Variants in MSI2 observed in about 807,000 individuals in gnomAD.
MSI2 encodes RNA-binding protein Musashi homolog 2.
Under a neutral mutation model 45.6 loss-of-function variants are expected in MSI2, and 17 were observed. That is an observed-to-expected ratio of 0.37 (90% CI 0.26 to 0.56). The LOEUF is 0.56. MSI2 is among the 20% of genes least tolerant of loss of function. The pLI is 0.77. For missense variants in MSI2, 293 were observed against 444.2 expected (o/e 0.66, Z 3.06); for synonymous variants, 156 against 158.2 (o/e 0.99, Z 0.11).
chr17:57,327,058 G>A (rs1412174715), intron 5 of MSI2, among the ~76,000 whole-genome samples: 1 of 152,300 alleles, frequency 6.6e-6, no homozygotes, highest in East Asian at 1.9e-4. Context: ...TACAGAAACA[G>A]ACCATCCACT....
chr17:57,640,088 G>A (rs1283642308), intron 10 of MSI2, among the ~76,000 whole-genome samples: 1 of 152,130 alleles, frequency 6.6e-6, no homozygotes, highest in Non-Finnish European at 1.5e-5. Context: ...CCTAGAGGAG[G>A]TGGGGGGAGC....
chr17:57,627,338 CA>C lies in MSI2; in HGVS notation c.727+37del. 6.3e-7 allele frequency: 1 copy of C among 1,595,626 alleles called. No individual in the cohort carries two copies. Among genetic ancestry groups the C allele is most frequent in the Non-Finnish European group, 8.6e-7 (1 of 1,163,146 alleles). On this transcript the variant is annotated intron_variant, in intron 10 of 13. Coordinates refer to ENST00000284073, the MANE Select transcript of MSI2 (RefSeq NM_138962.4). This position sits in a 1 kb window ranked among gnomAD's most constrained non-coding sequence, Gnocchi z 4.6. The stretch of plus-strand genomic sequence containing the variant: ...TTGGTCTCCCAGGGCTTTGGAAGCA[CA>C]AGAGGTGGGCTGCATTTGCGGGGAG...
At chr17:57,324,307 A>G (rs1242261479) in intron 5 of MSI2, among the ~76,000 whole-genome samples, 2 of 152,108 alleles carry the variant, frequency 1.3e-5, no homozygotes, top group African/African-American at 4.8e-5. Flanking sequence ...GCCTGACCCA[A>G]GGAGGGGTAC....
intron 5 of MSI2, among the ~76,000 whole-genome samples, chr17:57,297,755 G>T (rs951297121): frequency 6.6e-6 from 1 of 152,126 alleles, no homozygotes; most frequent in Non-Finnish European, 1.5e-5. Context: ...CTACTTTTAG[G>T]TAATATTATT....
At chr17:57,336,395 C>A (rs1034769742) in intron 5 of MSI2, among the ~76,000 whole-genome samples, 1 of 152,196 alleles carries the variant, frequency 6.6e-6, no homozygotes, top group Non-Finnish European at 1.5e-5. Context: ...TCTTCTCTTA[C>A]TCGTTTTCTT....
At chr17:57,367,354 G>C (rs1917269544) in intron 5 of MSI2, among the ~76,000 whole-genome samples, 1 of 152,170 alleles carries the variant, frequency 6.6e-6, no homozygotes, top group Non-Finnish European at 1.5e-5. Context: ...CAGTAGATGG[G>C]GGAGGTCTGG....
At chr17:57,474,164 G>A (rs2085493675) in intron 6 of MSI2, among the ~76,000 whole-genome samples, 1 of 152,052 alleles carries the variant, frequency 6.6e-6, no homozygotes, top group African/African-American at 2.4e-5. Context: ...CTTAAAAATG[G>A]GCCACCGGTA....
At chr17:57,583,621 C>T (rs1050896907) in intron 7 of MSI2, among the ~76,000 whole-genome samples, 1 of 151,782 alleles carries the variant, frequency 6.6e-6, no homozygotes, top group Non-Finnish European at 1.5e-5. Context: ...GCACGTGCCA[C>T]GACGTCAGGC....
intron 5 of MSI2, among the ~76,000 whole-genome samples, chr17:57,369,470 A>G (rs1459350086): frequency 6.6e-6 from 1 of 152,224 alleles, no homozygotes; most frequent in African/African-American, 2.4e-5. Context: ...CTTAATAGGC[A>G]TGCTTAAATC....
chr17:57,508,933 C>T (rs2086293517), intron 6 of MSI2, among the ~76,000 whole-genome samples: 1 of 152,182 alleles, frequency 6.6e-6, no homozygotes, highest in Non-Finnish European at 1.5e-5. Flanking sequence ...TCCTCAAGTC[C>T]TAAAGTACAG....
At chr17:57,277,166 T>C (rs1207972507) in intron 5 of MSI2, among the ~76,000 whole-genome samples, 1 of 151,480 alleles carries the variant, frequency 6.6e-6, no homozygotes, top group Admixed American at 6.6e-5. Flanking sequence ...AGTGATTCTC[T>C]TGCCTCAGTC....
chr17:57,562,984 G>C lies in MSI2; in HGVS notation c.454+33260G>C, dbSNP rs149583700. Among the ~76,000 whole-genome samples, 33 of 150,838 alleles carry C rather than the reference G, an allele frequency of 2.2e-4. No individual in the cohort carries two copies. In the East Asian group the frequency reaches 5.5e-3, roughly 25 times the overall value. On this transcript the variant is annotated intron_variant, in intron 7 of 13. Transcript: ENST00000284073. ...GTGGTGGCGCATGCCTGTAATCCCAGCTACTCAGGAGGCTGAGACAGGAGA... is the reference window on the plus strand; with the variant it reads ...GTGGTGGCGCATGCCTGTAATCCCACCTACTCAGGAGGCTGAGACAGGAGA...
At chr17:57,698,911 GT>G in the MSI2 span, among the ~76,000 whole-genome samples, 3 of 148,174 alleles carry the variant, frequency 2.0e-5, no homozygotes. Flanking sequence ...GTGTGTGTGT[GT>G]GTGTGTGTGT....
At chr17:57,603,284 T>TA (rs1906125168) in intron 8 of MSI2, among the ~76,000 whole-genome samples, 1 of 152,086 alleles carries the variant, frequency 6.6e-6, no homozygotes, top group African/African-American at 2.4e-5. Context: ...TCTCTTGGGG[T>TA]AAAGGGCTCG....
rs544213535 is a variant in MSI2, at chr17:57,680,411, G to A, written c.*894G>A. On this transcript the variant is annotated 3_prime_UTR_variant, in exon 14 of 14. Transcript: ENST00000284073. ...GAAAGAGAGAATCAAAAATATTTTT[G>A]TGAGGGAGTCGGTCCCAGGCAGTTT... The A allele has an allele frequency of 4.4e-6, 1 of 227,940 alleles. No homozygotes were observed. Among genetic ancestry groups the A allele is most frequent in the African/African-American group, 2.2e-5 (1 of 45,122 alleles). 14.1% of individuals were successfully genotyped at this position (227,940 alleles called of 1,614,324 possible). A position where few individuals can be genotyped will look rare whatever the true frequency, so the allele number is the denominator to read the frequency against.
At chr17:57,451,281 C>CG (rs1413191342) in intron 6 of MSI2, among the ~76,000 whole-genome samples, 1 of 151,882 alleles carries the variant, frequency 6.6e-6, no homozygotes, top group African/African-American at 2.4e-5. Flanking sequence ...GATGTGGGTG[C>CG]GTGCATGTGT....
intron 7 of MSI2, among the ~76,000 whole-genome samples, chr17:57,547,430 A>T (rs1363658836): frequency 6.6e-6 from 1 of 152,024 alleles, no homozygotes; most frequent in Non-Finnish European, 1.5e-5. Context: ...TGCAGTGGAG[A>T]GCTGATGGCG....
At chr17:57,437,518 G>A (rs2084711748) in intron 6 of MSI2, among the ~76,000 whole-genome samples, 1 of 152,216 alleles carries the variant, frequency 6.6e-6, no homozygotes, top group African/African-American at 2.4e-5. Flanking sequence ...TGGAGGGACT[G>A]GGGAGAGGAG....
At chr17:57,578,484 G>A (rs1021581550) in intron 7 of MSI2, among the ~76,000 whole-genome samples, 6 of 151,940 alleles carry the variant, frequency 3.9e-5, no homozygotes, top group African/African-American at 1.5e-4. Flanking sequence ...GACTGGGGGG[G>A]TAGGATGCAT....
Sources: gnomAD v4.1 joint callset for allele counts (sites outside exome capture counted in the v4.1 genomes callset) on GRCh38, gnomAD v4.1.1 for gene constraint, Gnocchi (gnomAD v3.1) non-coding constraint, MANE v1.5 for transcripts, NCBI Gene and HGNC (gene_info 2026-07-23, HGNC 2026-07-21) for gene names.